Variants in SH3BP5 observed in about 807,000 individuals in gnomAD.
SH3BP5 encodes SH3 domain-binding protein 5.
In SH3BP5, 22 loss-of-function variants were observed where a neutral mutation model predicts 43.3. The ratio of observed to expected loss-of-function variants is 0.51; its 90% CI spans 0.36 to 0.73. The LOEUF is 0.73. SH3BP5 is among the 30% of genes least tolerant of loss of function. The pLI is 0.00. For synonymous variants in SH3BP5, 255 were observed against 225.8 expected, an observed-to-expected ratio of 1.13 and a Z score of -1.16; for missense variants, 529 against 586.9, an observed-to-expected ratio of 0.90 and a Z score of 1.02.
rs561264079 is a variant in SH3BP5, at chr3:15,288,004, T to C, written c.330+16099A>G. Among the ~76,000 whole-genome samples, 3 of 152,358 alleles carry C rather than the reference T, an allele frequency of 2.0e-5. No homozygotes were observed. In the East Asian group the frequency reaches 5.8e-4, roughly 29 times the overall value. ...TATATAAGCATTTATTATAAGGAAC[T>C]GGCTCGTGCAATTATGGAGGCTGGC... On this transcript the variant is annotated intron_variant, in intron 3 of 8. Transcript: ENST00000383791.
chr3:15,337,170 C>T (rs544368267), upstream of SH3BP5, among the ~76,000 whole-genome samples: 298 of 149,452 alleles, frequency 2.0e-3, 1 homozygote, highest in South Asian at 0.013. Flanking sequence ...CTGCAACCTC[C>T]GCCTCCTGGG....
At chr3:15,324,857 A>AC (rs1698421848) in intron 2 of SH3BP5, among the ~76,000 whole-genome samples, 5 of 60,924 alleles carry the variant, frequency 8.2e-5, no homozygotes, top group Non-Finnish European at 1.9e-4. Context: ...CCTTGGGTCC[A>AC]AAAAAAAAAA....
At chr3:15,336,275 G>A (rs1698699938), upstream of SH3BP5, among the ~76,000 whole-genome samples, 1 of 152,234 alleles carries the variant, frequency 6.6e-6, no homozygotes, top group South Asian at 2.1e-4. Context: ...GGAGATCCAT[G>A]TGGGTAGGAC....
chr3:15,312,505 A>T (rs555841045), intron 2 of SH3BP5, among the ~76,000 whole-genome samples: 1 of 152,238 alleles, frequency 6.6e-6, no homozygotes, highest in Admixed American at 6.5e-5. Context: ...GCAGCCAAAA[A>T]ATCTCCAGTG....
rs766403939 is a variant in SH3BP5 at position 15,330,521 on chromosome 3, G to A, written c.184C>T (p.Arg62Trp). 1.5e-5 allele frequency: 24 copies of A among 1,613,112 alleles called. No individual in the cohort carries two copies. Among genetic ancestry groups the A allele is most frequent in the East Asian group, 2.2e-5 (1 of 44,874 alleles). ...CTCTGTACCTCAAGTTCAGTCTCCC[G>A]TCTGTTGATATCATCCGTGGACTGA... ...LNQSTDDINR[R>W]ETELEDARQK... Residue 62 changes from arginine to tryptophan, a missense_variant, in exon 2 of 9, where the codon CGG (arginine) becomes TGG (tryptophan). Arg to Trp is a moderately radical substitution (Grantham distance 101). Around this residue, in one of 3 missense-constraint regions of SH3BP5, gnomAD observed 85 missense variants for 140.8 expected, o/e 0.60. Transcript: ENST00000383791.
rs1197368388 is a variant in SH3BP5, at chr3:15,256,251, G to A, written c.1203C>T (p.Asn401=). 2 of 1,614,178 alleles carry A rather than the reference G, an allele frequency of 1.2e-6. No individual in the cohort carries two copies. The highest frequency in any genetic ancestry group is 3.3e-5 in the Admixed American group (2 of 60,028). ...ENKTSDKANN[N]RGLSSSSGSG... ...TGCCACTGCTACTGCTGAGGCCCCG[G>A]TTGTTGTTGGCTTTGTCACTTGTTT... The change falls in exon 9 of 9, where the codon AAC becomes AAT. Residue 401 remains asparagine (N), a synonymous_variant. Coordinates refer to ENST00000383791, the MANE Select transcript of SH3BP5 (RefSeq NM_004844.5).
upstream of SH3BP5, among the ~76,000 whole-genome samples, chr3:15,336,728 C>T (rs144633992): frequency 9.7e-4 from 147 of 152,254 alleles, no homozygotes; most frequent in African/African-American, 2.8e-3. Context: ...TCAGCAAGGA[C>T]GAGTGGATTT....
intron 2 of SH3BP5, among the ~76,000 whole-genome samples, chr3:15,325,785 C>G (rs1436400690): frequency 6.6e-6 from 1 of 152,162 alleles, no homozygotes; most frequent in Non-Finnish European, 1.5e-5. Flanking sequence ...TTTGTGAGGC[C>G]AAGGGAGGCA....
upstream of SH3BP5, chr3:15,333,011 T>C: frequency 1.2e-6 from 1 of 813,718 alleles, no homozygotes; most frequent in Non-Finnish European, 1.5e-6. Context: ...GGAGGTTCCG[T>C]GCACTGATGC....
intron 2 of SH3BP5, among the ~76,000 whole-genome samples, chr3:15,326,383 A>C (rs927895180): frequency 6.6e-6 from 1 of 152,224 alleles, no homozygotes; most frequent in Non-Finnish European, 1.5e-5. Flanking sequence ...ACTGCACCAC[A>C]GCGTGAGAGC....
chr3:15,318,421 C>A (rs758674796), intron 2 of SH3BP5, among the ~76,000 whole-genome samples: 2 of 151,144 alleles, frequency 1.3e-5, no homozygotes, highest in Non-Finnish European at 2.9e-5. Flanking sequence ...CAAGACTGTA[C>A]GGCACATTAA....
At chr3:15,265,172 C>T (rs569095138) in intron 4 of SH3BP5, among the ~76,000 whole-genome samples, 14 of 152,206 alleles carry the variant, frequency 9.2e-5, no homozygotes, top group East Asian at 1.9e-4. Context: ...CACCAGGCCA[C>T]GTCTACCACA....
chr3:15,332,718 C>G, upstream of SH3BP5: 1 of 1,036,936 alleles, frequency 9.6e-7, no homozygotes, highest in Non-Finnish European at 1.2e-6. Context: ...CCCCAGCTCC[C>G]TCCACATCTC....
intron 3 of SH3BP5, among the ~76,000 whole-genome samples, chr3:15,275,274 T>G (rs1221120015): frequency 6.6e-6 from 1 of 152,188 alleles, no homozygotes; most frequent in Non-Finnish European, 1.5e-5. Flanking sequence ...CTGAGGAAAG[T>G]TTAACTGCGA....
chr3:15,259,455 A>T, intron 6 of SH3BP5: 1 of 535,224 alleles, frequency 1.9e-6, no homozygotes, highest in East Asian at 3.4e-5. Context: ...TTTCTAATTC[A>T]GTCGGTCTAG....
chr3:15,262,985 ATATC>A (rs1696505545), intron 4 of SH3BP5, among the ~76,000 whole-genome samples: 1 of 152,170 alleles, frequency 6.6e-6, no homozygotes, highest in African/African-American at 2.4e-5. Flanking sequence ...ATAGATATCT[ATATC>A]TAGATATATA....
chr3:15,321,524 T>A (rs1345128275), intron 2 of SH3BP5, among the ~76,000 whole-genome samples: 1 of 152,064 alleles, frequency 6.6e-6, no homozygotes, highest in Non-Finnish European at 1.5e-5. Context: ...ACTTTTTTTT[T>A]TTTTTACAAC....
At chr3:15,263,612 GA>G (rs1033177496) in intron 4 of SH3BP5, among the ~76,000 whole-genome samples, 1 of 152,096 alleles carries the variant, frequency 6.6e-6, no homozygotes, top group Non-Finnish European at 1.5e-5. Flanking sequence ...TAAGTCTGTT[GA>G]AAAAAATGAG....
At chr3:15,267,541 C>T (rs1371147721) in intron 4 of SH3BP5, among the ~76,000 whole-genome samples, 1 of 152,206 alleles carries the variant, frequency 6.6e-6, no homozygotes, top group Admixed American at 6.5e-5. Context: ...CAGAGGTTGC[C>T]CCCAAGCCCA....
Sources: gnomAD v4.1 joint callset for allele counts (sites outside exome capture counted in the v4.1 genomes callset) on GRCh38, gnomAD v4.1.1 for gene constraint, gnomAD v4.1.1 regional missense constraint, MANE v1.5 for transcripts, NCBI Gene and HGNC (gene_info 2026-07-23, HGNC 2026-07-21) for gene names.